The following RGS12 variants were observed in gnomAD, a reference collection of about 807,000 sequenced individuals.
RGS12 encodes regulator of G-protein signaling 12.
In RGS12, 66 loss-of-function variants were observed where a neutral mutation model predicts 120.1. The observed-to-expected ratio is 0.55, with a 90% CI of 0.45 to 0.67. The LOEUF is 0.67. Among genes scored for constraint, RGS12 ranks in the 30% least tolerant of loss-of-function variants. The probability of loss-of-function intolerance (pLI) is 0.00; values close to 1 mark genes in which losing one functional copy is unlikely to be tolerated. For missense variants in RGS12, 1,859 were observed against 1,957.7 expected (o/e 0.95, Z 0.95); for synonymous variants, 827 against 804.7 (o/e 1.03, Z -0.47).
intron 4 of RGS12, among the ~76,000 whole-genome samples, chr4:3,392,460 G>A (rs575122005): frequency 6.6e-6 from 1 of 152,160 alleles, no homozygotes; most frequent in East Asian, 1.9e-4. Context: ...CATGGAGGCC[G>A]TTTCATGTTC....
intron 3 of RGS12, chr4:3,370,264 T>TA: frequency 6.2e-7 from 1 of 1,614,100 alleles, no homozygotes; most frequent in Non-Finnish European, 8.5e-7. Context: ...CTCGGTGCCT[T>TA]ACAATGAATT....
chr4:3,293,927 T>G (rs1723209703), intron 1 of RGS12, among the ~76,000 whole-genome samples: 1 of 23,432 alleles, frequency 4.3e-5, no homozygotes, highest in Non-Finnish European at 7.5e-5. Context: ...GTAGACAGAG[T>G]CTCATAGCCG....
chr4:3,338,446 C>T (rs968083853), intron 2 of RGS12, among the ~76,000 whole-genome samples: 2 of 152,228 alleles, frequency 1.3e-5, no homozygotes, highest in South Asian at 4.1e-4. Flanking sequence ...TCATTTCTAG[C>T]GGTTTTACTT....
chr4:3,294,217 GGGAC>G (rs1416640053), intron 1 of RGS12, among the ~76,000 whole-genome samples: 3 of 152,278 alleles, frequency 2.0e-5, no homozygotes, highest in Non-Finnish European at 4.4e-5. Flanking sequence ...TGAGGCCACA[GGGAC>G]GTGCAGGATG....
At chr4:3,432,630 G>A (rs1344167956) in intron 17 of RGS12, among the ~76,000 whole-genome samples, 2 of 152,358 alleles carry the variant, frequency 1.3e-5, no homozygotes, top group South Asian at 2.1e-4. Context: ...TGAGCGCCCC[G>A]GCTGACATCC....
Position 3,419,628 on chromosome 4 carries a change from G to C in RGS12, c.2762-1014G>C, listed in dbSNP as rs2109140695. 2.0e-5 allele frequency: 3 copies of C among 152,246 alleles called. No homozygotes were observed. In the Middle Eastern group the frequency reaches 0.01, roughly 518 times the overall value. The allele number at this position is 152,246 out of a possible 1,614,324, so 9.4% of individuals were successfully genotyped here. A position where few individuals can be genotyped will look rare whatever the true frequency, so the allele number is the denominator to read the frequency against. On this transcript the variant is annotated intron_variant, in intron 9 of 17. Coordinates refer to ENST00000336727, the MANE Select transcript of RGS12 (RefSeq NM_001394154.1). ...GTCTAGGAGTTCAATACCAGCCTGG[G>C]CAACACAGCAAGACACTCATCTCTA...
Position 3,317,877 on chromosome 4 carries a change from C to T in RGS12, c.1707C>T (p.Cys569=), listed in dbSNP as rs1034425271. ...DSTDGWSSIN[C]GTLPPPMSKI... is the part of the protein sequence containing the mutation. ...CCGATGGCTGGTCCAGCATCAACTG[C>T]GGCACACTGCCCCCTCCTATGAGCA... The change falls in exon 2 of 18, where the codon TGC becomes TGT. Residue 569 remains cysteine (C), a synonymous_variant. Transcript: ENST00000336727. The T allele has an allele frequency of 1.1e-5, 18 of 1,613,654 alleles. No individual in the cohort carries two copies. Among genetic ancestry groups the T allele is most frequent in the Middle Eastern group, 1.6e-4 (1 of 6,084 alleles).
rs756648467 is a variant in RGS12 at position 3,422,346 on chromosome 4, C to T, written c.2839-30C>T. On this transcript the variant is annotated intron_variant, in intron 10 of 17. Transcript: ENST00000336727. ...CCCGCACCCCTGTGACGCTGGTTCCCTCACGGCTGCTTGTCTCGCTGCTCC... is the reference window on the plus strand; with the variant it reads ...CCCGCACCCCTGTGACGCTGGTTCCTTCACGGCTGCTTGTCTCGCTGCTCC... The T allele has an allele frequency of 2.2e-5, 35 of 1,590,350 alleles. No individual in the cohort carries two copies. In the South Asian group the frequency reaches 3.4e-4, roughly 16 times the overall value.
At chr4:3,377,424 CA>C (rs1301863468) in intron 3 of RGS12, among the ~76,000 whole-genome samples, 3 of 152,104 alleles carry the variant, frequency 2.0e-5, no homozygotes, top group Non-Finnish European at 2.9e-5. Flanking sequence ...GTATTGAAAA[CA>C]TTTAGTGCAT....
intron 13 of RGS12, 123 bp downstream of exon 13, chr4:3,423,764 C>T: frequency 4.6e-6 from 6 of 1,299,980 alleles, no homozygotes; most frequent in South Asian, 1.4e-5. Flanking sequence ...ATCTGGTTGT[C>T]CCCCTTGGAG....
At position 3,402,466 on chromosome 4, in the gene RGS12, C is replaced by T. The variant is rs144026117; in HGVS notation, c.2021-11606C>T. On this transcript the variant is annotated intron_variant, in intron 4 of 17. Coordinates refer to ENST00000336727, the MANE Select transcript of RGS12 (RefSeq NM_001394154.1). Reference sequence around the variant, plus strand: ...AGTCCTGCTGGGTAGGGTGCCCTTTCGTCCTCTCTATCCCTGGACTCTTTC... The same window carrying T: ...AGTCCTGCTGGGTAGGGTGCCCTTTTGTCCTCTCTATCCCTGGACTCTTTC... Among the ~76,000 whole-genome samples, 594 of 152,326 alleles carry T rather than the reference C, an allele frequency of 3.9e-3. 2 individuals are homozygous for T. Among genetic ancestry groups the T allele is most frequent in the Non-Finnish European group, 6.4e-3 (435 of 68,028 alleles).
chr4:3,426,449 G>T (rs1228248619), intron 14 of RGS12, among the ~76,000 whole-genome samples: 1 of 151,994 alleles, frequency 6.6e-6, no homozygotes, highest in Non-Finnish European at 1.5e-5. Context: ...TTCCCTCCAG[G>T]CACAAAACAG....
intron 17 of RGS12, among the ~76,000 whole-genome samples, chr4:3,435,291 T>C (rs1350260666): frequency 6.6e-6 from 1 of 152,104 alleles, no homozygotes; most frequent in Non-Finnish European, 1.5e-5. Context: ...GCCATTGTGT[T>C]GTACCGGGTG....
chr4:3,315,576 G>A (rs1432544534), intron 1 of RGS12, among the ~76,000 whole-genome samples: 1 of 152,220 alleles, frequency 6.6e-6, no homozygotes, highest in African/African-American at 2.4e-5. Flanking sequence ...GGGGATTTAT[G>A]ATCAACTAAG....
At chr4:3,429,958 C>T (rs1020731711) in intron 16 of RGS12, among the ~76,000 whole-genome samples, 6 of 152,306 alleles carry the variant, frequency 3.9e-5, no homozygotes, top group Non-Finnish European at 7.4e-5. Context: ...ATTCTGCTCC[C>T]GACTTTGAGG....
At position 3,406,168 on chromosome 4, in the gene RGS12, G is replaced by A. The variant is rs186173879; in HGVS notation, c.2021-7904G>A. Among the ~76,000 whole-genome samples, 145 of 152,288 alleles carry A rather than the reference G, an allele frequency of 9.5e-4. 1 individual carries two copies. The highest frequency in any genetic ancestry group is 8.5e-3 in the South Asian group (41 of 4,820). The stretch of plus-strand genomic sequence containing the variant: ...GAGGCCCACGGGACTGTGGGGCCCC[G>A]CCGAGGTGACCGGCCAGAAAGGAGT... On this transcript the variant is annotated intron_variant, in intron 4 of 17. Transcript: ENST00000336727.
intron 2 of RGS12, among the ~76,000 whole-genome samples, chr4:3,330,298 G>A (rs2108732032): frequency 6.6e-6 from 1 of 152,336 alleles, no homozygotes; most frequent in South Asian, 2.1e-4. Context: ...GCATTCCACA[G>A]ATAAGGATTC....
At position 3,316,629 on chromosome 4, in the gene RGS12, C is replaced by T. The variant is rs1724775142; in HGVS notation, c.459C>T (p.Asn153=). 6.2e-7 allele frequency: 1 copy of T among 1,613,990 alleles called. No individual in the cohort carries two copies. The highest frequency in any genetic ancestry group is 8.5e-7 in the Non-Finnish European group (1 of 1,180,024). Residue 153 remains asparagine (N), a synonymous_variant, in exon 2 of 18, where the codon AAC becomes AAT. Coordinates refer to ENST00000336727, the MANE Select transcript of RGS12 (RefSeq NM_001394154.1). ...SGGIFNMIFE[N]PSLCASNSEP... ...GAATTTTCAATATGATTTTTGAAAA[C>T]CCGAGCCTTTGTGCGAGCAATTCAG...
At chr4:3,302,057 A>G (rs765543572) in intron 1 of RGS12, among the ~76,000 whole-genome samples, 37 of 151,936 alleles carry the variant, frequency 2.4e-4, no homozygotes, top group African/African-American at 8.0e-4. Flanking sequence ...TTTAAAAACC[A>G]CAAACAGAAG....
Sources: allele counts gnomAD v4.1 joint callset (sites outside exome capture counted in the v4.1 genomes callset), GRCh38; gene constraint gnomAD v4.1.1; transcripts MANE v1.5; gene names NCBI Gene and HGNC (gene_info 2026-07-23, HGNC 2026-07-21).